The following KIF26B variants were observed in gnomAD, a reference collection of about 807,000 sequenced individuals.
KIF26B encodes kinesin-like protein KIF26B.
A neutral mutation model predicts 151.2 loss-of-function variants in KIF26B; 63 were observed. That is an observed-to-expected ratio of 0.42 (90% CI 0.34 to 0.51). KIF26B has a LOEUF of 0.51. KIF26B is among the 20% of genes least tolerant of loss of function. KIF26B has a pLI of 0.07. For missense variants in KIF26B, 2,813 were observed against 2,913.6 expected (o/e 0.97, Z 0.79); for synonymous variants, 1,357 against 1,262.1 (o/e 1.08, Z -1.59).
chr1:245,217,430 T>C (rs114559074), intron 2 of KIF26B, among the ~76,000 whole-genome samples: 2,761 of 151,422 alleles, frequency 0.018, 34 homozygotes, highest in Non-Finnish European at 0.027. Flanking sequence ...AATGGCACAA[T>C]CTCGGCCCGC....
At position 245,420,861 on chromosome 1, in the gene KIF26B, T is replaced by C. The variant is rs751706184; in HGVS notation, c.1166+1116T>C. 1.6e-3 allele frequency among the ~76,000 whole-genome samples: 248 copies of C among 152,302 alleles called. 1 individual carries two copies. Among genetic ancestry groups the C allele is most frequent in the Non-Finnish European group, 9.4e-4 (64 of 68,030 alleles). On this transcript the variant is annotated intron_variant, in intron 4 of 14. Coordinates refer to ENST00000407071, the MANE Select transcript of KIF26B (RefSeq NM_018012.4). ...CAGAACACAAATATGGGGAAGGGGC[T>C]CTGATTAGGACAGCGGCAAGGCAGA...
Position 245,687,256 on chromosome 1 carries a change from G to A in KIF26B, c.4273G>A (p.Glu1425Lys), listed in dbSNP as rs1269778222. 1.9e-6 allele frequency: 3 copies of A among 1,612,286 alleles called. No homozygotes were observed. Among genetic ancestry groups the A allele is most frequent in the South Asian group, 2.2e-5 (2 of 90,782 alleles). The change falls in exon 12 of 15, where the codon GAG becomes AAG. Residue 1425 changes from glutamate to lysine, a missense_variant. By Grantham distance (56) the Glu-to-Lys change is moderately conservative (BLOSUM62 1). Around this residue, in one of 3 missense-constraint regions of KIF26B, gnomAD observed 2,060 missense variants for 2,088.6 expected, o/e 0.99. Coordinates refer to ENST00000407071, the MANE Select transcript of KIF26B (RefSeq NM_018012.4). This position sits in a 1 kb window ranked among gnomAD's most constrained non-coding sequence, Gnocchi z 4.9. Reference sequence around the variant, plus strand: ...AGGCCCCACATTAGCCCAGTCCCGGGAGAGTAAGGAAAACAGTGCAAAGAA... The same window carrying A: ...AGGCCCCACATTAGCCCAGTCCCGGAAGAGTAAGGAAAACAGTGCAAAGAA... The part of the protein sequence containing the change: ...KAGPTLAQSR[E>K]SKENSAKKEM...
chr1:245,329,388 A>G (rs1195843330), intron 2 of KIF26B, among the ~76,000 whole-genome samples: 3 of 152,204 alleles, frequency 2.0e-5, no homozygotes, highest in African/African-American at 7.2e-5. Context: ...GGCAGAGTGG[A>G]CTTACATAAA....
rs76938036 is a variant in KIF26B at position 245,183,081 on chromosome 1, G to A, written c.465+26398G>A. On this transcript the variant is annotated intron_variant, in intron 2 of 14. Coordinates refer to ENST00000407071, the MANE Select transcript of KIF26B (RefSeq NM_018012.4). ...GACCGATGAGGTATAGCATCTTTTC[G>A]TGCTTATTGACCATTCATATATTTT... is the stretch of plus-strand genomic sequence containing the variant. Among the ~76,000 whole-genome samples, 260 of 152,234 alleles carry A rather than the reference G, an allele frequency of 1.7e-3. 2 individuals carry two copies. The East Asian group carries it at 0.022, about 13-fold the overall frequency.
chr1:245,343,375 T>A (rs972620645), intron 2 of KIF26B, among the ~76,000 whole-genome samples: 4 of 151,760 alleles, frequency 2.6e-5, no homozygotes, highest in Non-Finnish European at 5.9e-5. Context: ...TTTTTTTTTT[T>A]CCTACCACAA....
chr1:245,343,115 G>A (rs1672371363), intron 2 of KIF26B, among the ~76,000 whole-genome samples: 1 of 151,502 alleles, frequency 6.6e-6, no homozygotes, highest in Admixed American at 6.6e-5. Flanking sequence ...TTAGATTAGT[G>A]TTTATTTTGG....
chr1:245,202,620 C>T (rs1208918298), intron 2 of KIF26B, among the ~76,000 whole-genome samples: 3 of 152,132 alleles, frequency 2.0e-5, no homozygotes, highest in South Asian at 2.1e-4. Flanking sequence ...ATTAGCCGGA[C>T]GTGGTGGCGG....
At chr1:245,468,092 C>G (rs907155641) in intron 4 of KIF26B, among the ~76,000 whole-genome samples, 1 of 152,110 alleles carries the variant, frequency 6.6e-6, no homozygotes, top group African/African-American at 2.4e-5. Context: ...ATGGGGAACA[C>G]TAACCCAGAA....
At chr1:245,303,487 C>G (rs954647818) in intron 2 of KIF26B, among the ~76,000 whole-genome samples, 10 of 150,934 alleles carry the variant, frequency 6.6e-5, no homozygotes, top group Non-Finnish European at 1.5e-4. Flanking sequence ...CGTAAGCCAC[C>G]GCGCCCGGCC....
intron 9 of KIF26B, among the ~76,000 whole-genome samples, chr1:245,632,124 C>T (rs1056824974): frequency 6.6e-5 from 10 of 151,862 alleles, no homozygotes; most frequent in African/African-American, 2.2e-4. Context: ...ATGCATCATT[C>T]GGTTGTCTAT....
intron 2 of KIF26B, among the ~76,000 whole-genome samples, chr1:245,246,065 C>G (rs1489595543): frequency 1.9e-4 from 29 of 150,148 alleles, no homozygotes; most frequent in African/African-American, 7.1e-4. Flanking sequence ...GCACTCCAGC[C>G]TGGGCGACAG....
chr1:245,674,209 T>C (rs1442771935), intron 10 of KIF26B, among the ~76,000 whole-genome samples: 1 of 152,210 alleles, frequency 6.6e-6, no homozygotes, highest in East Asian at 1.9e-4. Context: ...TCACAGACCG[T>C]TGCAAAGGCT....
At chr1:245,575,585 A>C (rs933272982) in intron 5 of KIF26B, among the ~76,000 whole-genome samples, 1 of 152,138 alleles carries the variant, frequency 6.6e-6, no homozygotes, top group Non-Finnish European at 1.5e-5. Context: ...CAACTCTTAG[A>C]TATGTCAGGT....
At position 245,698,117 on chromosome 1, in the gene KIF26B, C is replaced by A. The variant is rs147351205; in HGVS notation, c.5836C>A (p.Arg1946=). The A allele has an allele frequency of 6.2e-7, 1 of 1,613,618 alleles. No homozygotes were observed. Among genetic ancestry groups the A allele is most frequent in the African/African-American group, 1.3e-5 (1 of 74,918 alleles). ...KKRSNPGSQR[R]RLIPALSLDT... ...ATCCCCCTCCTCAGGTTCTCAGAGA[C>A]GGAGGCTTATCCCAGCACTATCCCT... The change falls in exon 13 of 15, where the codon CGG becomes AGG. Residue 1946 remains arginine (R), a synonymous_variant. Coordinates refer to ENST00000407071, the MANE Select transcript of KIF26B (RefSeq NM_018012.4). The surrounding 1 kb of genome is among the most constrained non-coding windows in gnomAD (Gnocchi z 4.0).
intron 10 of KIF26B, among the ~76,000 whole-genome samples, chr1:245,669,250 C>T (rs1249126713): frequency 6.6e-6 from 1 of 152,184 alleles, no homozygotes; most frequent in African/African-American, 2.4e-5. Context: ...CATCGTTAGG[C>T]TCTCTTCACA....
At chr1:245,317,104 A>G (rs937556053) in intron 2 of KIF26B, among the ~76,000 whole-genome samples, 3 of 152,200 alleles carry the variant, frequency 2.0e-5, no homozygotes, top group Admixed American at 6.5e-5. Flanking sequence ...CTGTTCAACA[A>G]GAGGAAAATA....
chr1:245,187,929 A>G (rs898800635), intron 2 of KIF26B, among the ~76,000 whole-genome samples: 2 of 152,160 alleles, frequency 1.3e-5, no homozygotes, highest in East Asian at 3.8e-4. Context: ...TCTTGAGGAA[A>G]TTCAAGTTTG....
chr1:245,222,653 TA>T (rs775163509), intron 2 of KIF26B, among the ~76,000 whole-genome samples: 2 of 152,170 alleles, frequency 1.3e-5, no homozygotes, highest in Non-Finnish European at 2.9e-5. Flanking sequence ...AGAATATTCA[TA>T]GCAGCACCAC....
intron 6 of KIF26B, among the ~76,000 whole-genome samples, chr1:245,605,081 T>C (rs1288650270): frequency 6.6e-6 from 1 of 152,210 alleles, no homozygotes; most frequent in Non-Finnish European, 1.5e-5. Context: ...CCTAGCAGTG[T>C]GGCCTCAGGC....
Sources: allele counts gnomAD v4.1 joint callset (sites outside exome capture counted in the v4.1 genomes callset), GRCh38; gene constraint gnomAD v4.1.1; regional missense constraint gnomAD v4.1.1; non-coding constraint Gnocchi (gnomAD v3.1); transcripts MANE v1.5; gene names NCBI Gene and HGNC (gene_info 2026-07-23, HGNC 2026-07-21).